Variants in POU2F1 observed in about 807,000 individuals in gnomAD.
POU2F1 encodes POU domain, class 2, transcription factor 1.
In POU2F1, 16 loss-of-function variants were observed where a neutral mutation model predicts 84.9. The observed-to-expected ratio is 0.19, with a 90% CI of 0.13 to 0.29. POU2F1 has a LOEUF of 0.29. POU2F1 is among the 10% of genes least tolerant of loss of function. POU2F1 has a pLI of 1.00. For missense variants in POU2F1, 738 were observed against 942.6 expected, an observed-to-expected ratio of 0.78 and a Z score of 2.84; for synonymous variants, 368 against 368.3, an observed-to-expected ratio of 1.00 and a Z score of 0.01.
intron 7 of POU2F1, chr1:167,383,338 G>A (rs1320680894): frequency 6.6e-6 from 1 of 152,174 alleles, no homozygotes; most frequent in African/African-American, 2.4e-5. Context: ...AGCATTGGTG[G>A]CATTACATTA....
chr1:167,411,886 T>G, intron 13 of POU2F1, 73 bp from the exon 14 acceptor site: 1 of 1,363,700 alleles, frequency 7.3e-7, no homozygotes, highest in Non-Finnish European at 1.0e-6. Context: ...ATTATAGAGT[T>G]TGGCTGAGTA....
At chr1:167,348,771 A>G (rs1658367801) in intron 2 of POU2F1, among the ~76,000 whole-genome samples, 1 of 152,144 alleles carries the variant, frequency 6.6e-6, no homozygotes, top group African/African-American at 2.4e-5. Context: ...TCTTACCCTG[A>G]ACTACCTGTA....
At chr1:167,319,096 G>C (rs1656128734) in intron 1 of POU2F1, 2 of 153,286 alleles carry the variant, frequency 1.3e-5, no homozygotes, top group Non-Finnish European at 2.9e-5. Flanking sequence ...CATGACAGTT[G>C]AGGTCCTCCT....
chr1:167,300,940 T>G (rs531930807), intron 1 of POU2F1, among the ~76,000 whole-genome samples: 2 of 152,062 alleles, frequency 1.3e-5, no homozygotes, highest in South Asian at 2.1e-4. Flanking sequence ...GCAGCTAATT[T>G]TTGTATTTTA....
At chr1:167,394,395 T>A (rs1454289387) in intron 9 of POU2F1, among the ~76,000 whole-genome samples, 1 of 152,190 alleles carries the variant, frequency 6.6e-6, no homozygotes, top group Non-Finnish European at 1.5e-5. Flanking sequence ...TCTTTAGACA[T>A]ATTTGTATAC....
intron 12 of POU2F1, among the ~76,000 whole-genome samples, chr1:167,400,129 C>T (rs1340124396): frequency 1.3e-5 from 2 of 151,358 alleles, no homozygotes; most frequent in Admixed American, 6.6e-5. Context: ...GGATTACAGG[C>T]GCCCGCCACC....
At chr1:167,341,548 G>T (rs1025458543) in intron 2 of POU2F1, among the ~76,000 whole-genome samples, 1 of 152,108 alleles carries the variant, frequency 6.6e-6, no homozygotes, top group East Asian at 1.9e-4. Context: ...TGGCTCATAT[G>T]TTTGGCTGCC....
rs2101959415 is a variant in POU2F1 at position 167,418,156 on chromosome 1, GA to G, written c.*2347del. ...TGATAACGTGCAGTTCAGACACATC[GA>G]GGAGATAGATGCTACTGACAATTTC... On this transcript the variant is annotated 3_prime_UTR_variant, in exon 16 of 16. Coordinates refer to ENST00000367866, the MANE Select transcript of POU2F1 (RefSeq NM_002697.4). The G allele has an allele frequency of 6.6e-6, 1 of 152,228 alleles. No individual in the cohort carries two copies. The highest frequency in any genetic ancestry group is 1.5e-5 in the Non-Finnish European group (1 of 68,022). The allele number at this position is 152,228 out of a possible 1,614,324, so 9.4% of individuals were successfully genotyped here.
intron 1 of POU2F1, among the ~76,000 whole-genome samples, chr1:167,237,104 C>T (rs1017015891): frequency 6.6e-6 from 1 of 152,114 alleles, no homozygotes; most frequent in African/African-American, 2.4e-5. Flanking sequence ...AGGTATCTAA[C>T]TTCTGAGTAG....
chr1:167,377,683 A>G (rs932183581), intron 7 of POU2F1, among the ~76,000 whole-genome samples: 5 of 152,178 alleles, frequency 3.3e-5, no homozygotes, highest in Admixed American at 6.5e-5. Context: ...TTTTTAAACT[A>G]TTAGGTTCAG....
In POU2F1 at chr1:167,295,691, A is replaced by G. The variant is rs576386390; in HGVS notation, c.62-36779A>G. 6.6e-5 allele frequency among the ~76,000 whole-genome samples: 10 copies of G among 152,372 alleles called. No homozygotes were observed. The South Asian group carries it at 2.1e-3, about 32-fold the overall frequency. ...TAGCCGTTATTTTTGTGGAGCCATGAACATGATTCAGAGGCTAAATTGTAA... is the reference window on the plus strand; with the variant it reads ...TAGCCGTTATTTTTGTGGAGCCATGGACATGATTCAGAGGCTAAATTGTAA... On this transcript the variant is annotated intron_variant, in intron 1 of 15. Transcript: ENST00000367866.
At position 167,220,939 on chromosome 1, in the gene POU2F1, C is replaced by T. The variant is rs1022725246; in HGVS notation, c.42C>T (p.Ala14=). ...GGAASQDESS[A]AAAAAADSRM... Reference sequence around the variant, plus strand: ...CAGCGAGTCAAGATGAGAGTTCAGCCGCGGCGGCAGCAGCAGCAGGTAATC... The same window carrying T: ...CAGCGAGTCAAGATGAGAGTTCAGCTGCGGCGGCAGCAGCAGCAGGTAATC... The change falls in exon 1 of 16, where the codon GCC becomes GCT. Residue 14 remains alanine, a synonymous_variant. Coordinates refer to ENST00000367866, the MANE Select transcript of POU2F1 (RefSeq NM_002697.4). 2.0e-6 allele frequency: 3 copies of T among 1,535,216 alleles called. No individual in the cohort carries two copies. In the African/African-American group the frequency reaches 4.1e-5, roughly 21 times the overall value.
chr1:167,413,904 A>C (rs1185322549), intron 15 of POU2F1, among the ~76,000 whole-genome samples: 1 of 151,876 alleles, frequency 6.6e-6, no homozygotes, highest in Non-Finnish European at 1.5e-5. Context: ...TGAGGCCATG[A>C]GTTCAAGACT....
intron 3 of POU2F1, 64 bp downstream of exon 3, chr1:167,365,631 G>A (rs1434936617): frequency 5.0e-6 from 6 of 1,199,712 alleles, no homozygotes; most frequent in Non-Finnish European, 7.0e-6. Flanking sequence ...ACTGGGGCCT[G>A]AGGAAGTTAT....
intron 1 of POU2F1, among the ~76,000 whole-genome samples, chr1:167,236,247 C>T (rs1036889150): frequency 2.0e-5 from 3 of 151,654 alleles, no homozygotes; most frequent in African/African-American, 7.3e-5. Context: ...GGATTACAGG[C>T]GCCTGCCACC....
At chr1:167,278,162 T>C (rs897025065) in intron 1 of POU2F1, among the ~76,000 whole-genome samples, 33 of 152,350 alleles carry the variant, frequency 2.2e-4, no homozygotes, top group African/African-American at 6.0e-4. Flanking sequence ...ACTGAGACTT[T>C]TGTTCAGATT....
chr1:167,303,615 A>G (rs1654861985), intron 1 of POU2F1: 1 of 152,890 alleles, frequency 6.5e-6, no homozygotes, highest in South Asian at 2.1e-4. Context: ...ATTTAGTAGC[A>G]TCTGATAAAT....
intron 1 of POU2F1, among the ~76,000 whole-genome samples, chr1:167,286,144 G>A (rs1314313602): frequency 6.6e-6 from 1 of 152,120 alleles, no homozygotes; most frequent in Non-Finnish European, 1.5e-5. Context: ...AACTGGGGGT[G>A]ATATAGTCAG....
intron 1 of POU2F1, among the ~76,000 whole-genome samples, chr1:167,312,410 A>G (rs1231439602): frequency 2.0e-5 from 3 of 151,988 alleles, no homozygotes; most frequent in Non-Finnish European, 4.4e-5. Context: ...TTTAGTAGAA[A>G]TGAGGTTTCA....
Sources: gnomAD v4.1 joint callset for allele counts (sites outside exome capture counted in the v4.1 genomes callset) on GRCh38, gnomAD v4.1.1 for gene constraint, MANE v1.5 for transcripts, NCBI Gene and HGNC (gene_info 2026-07-23, HGNC 2026-07-21) for gene names.